SETBP1: variants seen among roughly 807,000 people sequenced by gnomAD.
SETBP1 encodes the protein SET-binding protein.
Under a neutral mutation model 101.0 loss-of-function variants are expected in SETBP1, and 9 were observed. That is an observed-to-expected ratio of 0.09 (90% CI 0.05 to 0.16). The LOEUF (loss-of-function observed/expected upper bound fraction) is 0.16. Ranked by LOEUF, SETBP1 falls within the 10% of genes least tolerant of loss-of-function variation. The pLI is 1.00. For synonymous variants in SETBP1, 818 were observed against 788.5 expected, an observed-to-expected ratio of 1.04 and a Z score of -0.63; for missense variants, 1,858 against 2,033.8, an observed-to-expected ratio of 0.91 and a Z score of 1.66.
intron 2 of SETBP1, among the ~76,000 whole-genome samples, chr18:44,863,763 C>T (rs1020625323): frequency 3.3e-5 from 5 of 152,162 alleles, no homozygotes; most frequent in African/African-American, 4.8e-5. Flanking sequence ...CTCTACCTAC[C>T]TACCTAGCTA....
At chr18:45,040,425 T>G (rs1010228465) in intron 5 of SETBP1, among the ~76,000 whole-genome samples, 4 of 152,148 alleles carry the variant, frequency 2.6e-5, no homozygotes, top group Admixed American at 2.0e-4. Flanking sequence ...AAAGACATCA[T>G]TTGGCTTAAG....
intron 1 of SETBP1, among the ~76,000 whole-genome samples, chr18:44,692,828 G>A (rs962285590): frequency 7.2e-5 from 11 of 152,190 alleles, no homozygotes; most frequent in African/African-American, 2.7e-4. Context: ...GGACCTATCA[G>A]GGAATCATAT....
chr18:44,961,668 A>T (rs2071614145), intron 4 of SETBP1, among the ~76,000 whole-genome samples: 1 of 152,182 alleles, frequency 6.6e-6, no homozygotes, highest in African/African-American at 2.4e-5. Flanking sequence ...TATAAGGCCA[A>T]AAAGGCCATG....
At chr18:44,854,914 C>G (rs1487646163) in intron 2 of SETBP1, among the ~76,000 whole-genome samples, 2 of 152,224 alleles carry the variant, frequency 1.3e-5, no homozygotes, top group African/African-American at 2.4e-5. Flanking sequence ...TGCTCTTTTT[C>G]TCTGCTCTAG....
rs1040627562 is a variant in SETBP1, at chr18:45,066,859, T to C, written c.*3161T>C. On this transcript the variant is annotated 3_prime_UTR_variant, in exon 6 of 6. Transcript: ENST00000649279. The stretch of plus-strand genomic sequence containing the variant: ...AGTCTGGTTAGTGATGAGAAAAGGA[T>C]GAAATCTAGATACAAAAGTCACCTT... 6.6e-6 allele frequency: 1 copy of C among 152,080 alleles called. No homozygotes were observed. The highest frequency in any genetic ancestry group is 1.5e-5 in the Non-Finnish European group (1 of 68,014). The allele number at this position is 152,080 out of a possible 1,614,324, so 9.4% of individuals were successfully genotyped here.
chr18:45,059,370 T>C (rs2073856658), intron 5 of SETBP1, among the ~76,000 whole-genome samples: 1 of 152,230 alleles, frequency 6.6e-6, no homozygotes, highest in Non-Finnish European at 1.5e-5. Flanking sequence ...AGTTACATAA[T>C]ATCATGAAAT....
chr18:44,948,499 T>TGATAGATAGATA (rs11437850), intron 3 of SETBP1, among the ~76,000 whole-genome samples: 51,449 of 149,578 alleles, frequency 0.34, 9,180 homozygotes, highest in African/African-American at 0.41. Context: ...CAAAGATAGA[T>TGATAGATAGATA]GATAGATAGA....
intron 4 of SETBP1, among the ~76,000 whole-genome samples, chr18:44,980,699 G>A (rs1480555614): frequency 6.6e-6 from 1 of 152,178 alleles, no homozygotes; most frequent in African/African-American, 2.4e-5. Context: ...CACAGAAGGT[G>A]CAGGCCTCCA....
Position 44,747,044 on chromosome 18 carries a change from C to T in SETBP1, c.486+45212C>T, listed in dbSNP as rs1469469164. Among the ~76,000 whole-genome samples, 4 of 152,296 alleles carry T rather than the reference C, an allele frequency of 2.6e-5. No homozygotes were observed. The East Asian group carries it at 7.7e-4, about 29-fold the overall frequency. On this transcript the variant is annotated intron_variant, in intron 2 of 5. Coordinates refer to ENST00000649279, the MANE Select transcript of SETBP1 (RefSeq NM_015559.3). ...GCCCAACAGTTAGTCACATGCCAGC[C>T]CCAGCCTTGGCTGCTGTTTAATGCT...
chr18:44,815,817 C>T (rs1040844737), intron 2 of SETBP1, among the ~76,000 whole-genome samples: 5 of 152,296 alleles, frequency 3.3e-5, no homozygotes, highest in Non-Finnish European at 4.4e-5. Context: ...AGCCTGAGGA[C>T]ATATGGATGC....
chr18:45,006,820 G>A (rs182717225), intron 4 of SETBP1, among the ~76,000 whole-genome samples: 1 of 152,274 alleles, frequency 6.6e-6, no homozygotes, highest in Admixed American at 6.5e-5. Context: ...ACCCACAATA[G>A]CAACTAAACC....
intron 3 of SETBP1, chr18:44,876,705 C>G: frequency 6.5e-7 from 1 of 1,549,138 alleles, no homozygotes; most frequent in Non-Finnish European, 8.7e-7. Flanking sequence ...CCGGTTCTCT[C>G]ACTCTTCCTT....
chr18:44,680,730 A>G (rs2068745220), upstream of SETBP1, among the ~76,000 whole-genome samples: 1 of 151,728 alleles, frequency 6.6e-6, no homozygotes, highest in South Asian at 2.1e-4. Context: ...GTTTCGCCTA[A>G]TCTGATCTAC....
intron 2 of SETBP1, among the ~76,000 whole-genome samples, chr18:44,836,337 A>C (rs148973041): frequency 6.6e-6 from 1 of 152,154 alleles, no homozygotes; most frequent in African/African-American, 2.4e-5. Context: ...GGTTCTGTCT[A>C]GCATACCTCT....
At chr18:44,940,734 G>T (rs1290880643) in intron 3 of SETBP1, among the ~76,000 whole-genome samples, 1 of 152,100 alleles carries the variant, frequency 6.6e-6, no homozygotes, top group Non-Finnish European at 1.5e-5. Context: ...TCTGCTTTAA[G>T]AAGTCACTTG....
Position 45,063,455 on chromosome 18 carries a change from C to G in SETBP1, c.4548C>G (p.Ala1516=). 1 of 1,479,336 alleles carries G rather than the reference C, an allele frequency of 6.8e-7. No individual in the cohort carries two copies. Among genetic ancestry groups the G allele is most frequent in the Non-Finnish European group, 8.9e-7 (1 of 1,117,370 alleles). 91.6% of individuals were successfully genotyped at this position (1,479,336 alleles called of 1,614,324 possible). A position where few individuals can be genotyped will look rare whatever the true frequency, so the allele number is the denominator to read the frequency against. Residue 1516 remains alanine (A), a synonymous_variant, in exon 6 of 6, where the codon GCC becomes GCG. Coordinates refer to ENST00000649279, the MANE Select transcript of SETBP1 (RefSeq NM_015559.3). ...MATIEAVIHM[A]REAPPLPPPP... ...CCATCGAGGCGGTCATCCACATGGC[C>G]CGGGAGGCGCCGCCCCTGCCCCCGC...
At chr18:44,684,942 C>T (rs1413478847) in intron 1 of SETBP1, among the ~76,000 whole-genome samples, 10 of 152,166 alleles carry the variant, frequency 6.6e-5, no homozygotes, top group Admixed American at 3.3e-4. Context: ...CCACCGCGCC[C>T]GACCGAGGAA....
chr18:44,824,327 A>T (rs1440090462), intron 2 of SETBP1, among the ~76,000 whole-genome samples: 1 of 151,770 alleles, frequency 6.6e-6, no homozygotes, highest in Non-Finnish European at 1.5e-5. Context: ...AGTCTCTAGC[A>T]CTCTACCCTG....
chr18:44,815,881 C>T (rs1433730263), intron 2 of SETBP1, among the ~76,000 whole-genome samples: 2 of 152,186 alleles, frequency 1.3e-5, no homozygotes, highest in Non-Finnish European at 2.9e-5. Flanking sequence ...TTTGAAGTCA[C>T]AAGCTTGAAA....
Sources: gnomAD v4.1 joint callset for allele counts (sites outside exome capture counted in the v4.1 genomes callset) on GRCh38, gnomAD v4.1.1 for gene constraint, MANE v1.5 for transcripts, NCBI Gene and HGNC (gene_info 2026-07-23, HGNC 2026-07-21) for gene names.